Variants in PASD1 observed in about 807,000 individuals in gnomAD.
The protein encoded by PASD1 is circadian clock protein PASD1.
In PASD1, 13 loss-of-function variants were observed where a neutral mutation model predicts 58.8. The ratio of observed to expected loss-of-function variants is 0.22; its 90% CI spans 0.14 to 0.35. The LOEUF (loss-of-function observed/expected upper bound fraction) is 0.35. Ranked by LOEUF, PASD1 falls within the 10% of genes least tolerant of loss-of-function variation. The pLI is 1.00. For missense variants in PASD1, 734 were observed against 568.3 expected (o/e 1.29, Z -2.96); for synonymous variants, 236 against 216.7 (o/e 1.09, Z -0.78).
At chrX:151,621,160 A>T (rs764154479) in intron 5 of PASD1, 131 bp downstream of exon 5, 1 of 419,026 alleles carries the variant, frequency 2.4e-6, no homozygotes, top group Non-Finnish European at 4.0e-6. Flanking sequence ...ACTTTTATAT[A>T]ATATTACAAA....
chrX:151,636,906 C>T (rs912284911), intron 8 of PASD1, among the ~76,000 whole-genome samples: 2 of 111,321 alleles, frequency 1.8e-5, no homozygotes, highest in Middle Eastern at 4.7e-3. Context: ...TCAGCCCTAC[C>T]CCACCTCACC....
chrX:151,612,283 G>T (rs760082809), intron 4 of PASD1, among the ~76,000 whole-genome samples: 1 of 101,556 alleles, frequency 9.8e-6, no homozygotes, highest in South Asian at 4.6e-4. Context: ...ACATACGAGT[G>T]CGTGTGTCTT....
chrX:151,599,298 C>A (rs779000424), intron 1 of PASD1, among the ~76,000 whole-genome samples: 1,533 of 113,052 alleles, frequency 0.014, 9 homozygotes, highest in Non-Finnish European at 0.021. Flanking sequence ...GACAAAACCG[C>A]CATCGTCATC....
intron 1 of PASD1, among the ~76,000 whole-genome samples, chrX:151,599,603 G>C (rs1212224668): frequency 9.1e-6 from 1 of 109,604 alleles, no homozygotes; most frequent in Admixed American, 9.5e-5. Flanking sequence ...CGGCGGGGCA[G>C]AGACACTCCT....
intron 9 of PASD1, among the ~76,000 whole-genome samples, chrX:151,657,748 C>G (rs1270068237): frequency 9.1e-6 from 1 of 110,440 alleles, no homozygotes; most frequent in African/African-American, 3.3e-5. Flanking sequence ...ATTCTTCTCT[C>G]TTTTCTTCTT....
chrX:151,615,683 C>G (rs1329023115), intron 4 of PASD1, among the ~76,000 whole-genome samples: 1 of 111,825 alleles, frequency 8.9e-6, no homozygotes, highest in Non-Finnish European at 1.9e-5. Context: ...TCTTCAGTTT[C>G]ATTACATATC....
chrX:151,622,052 A>G (rs1340123089), intron 6 of PASD1, among the ~76,000 whole-genome samples: 2 of 110,171 alleles, frequency 1.8e-5, no homozygotes, highest in African/African-American at 6.6e-5. Flanking sequence ...CTAGAGATCA[A>G]TGAAGTGATC....
At chrX:151,650,287 C>T (rs761153123) in intron 9 of PASD1, among the ~76,000 whole-genome samples, 16 of 110,853 alleles carry the variant, frequency 1.4e-4, no homozygotes, top group African/African-American at 5.2e-4. Context: ...AGTCCCTAAA[C>T]TTAGTATATG....
intron 14 of PASD1, chrX:151,673,696 T>C (rs900383668): frequency 2.3e-6 from 1 of 438,789 alleles, no homozygotes; most frequent in Non-Finnish European, 3.9e-6. Flanking sequence ...GTCCAAGTAA[T>C]ATAAATAAAA....
At chrX:151,674,273 A>C (rs2014516932) in intron 15 of PASD1, 87 bp downstream of exon 15, 1 of 1,108,681 alleles carries the variant, frequency 9.0e-7, no homozygotes, top group African/African-American at 1.8e-5. Context: ...CCCCAAGTGC[A>C]TGCTGTGTGT....
rs191832696 is a variant in PASD1 at position 151,577,821 on chromosome X, C to T, written c.-28+13982C>T. 2.7e-5 allele frequency among the ~76,000 whole-genome samples: 3 copies of T among 111,985 alleles called. No homozygotes were observed. In the East Asian group the frequency reaches 8.4e-4, roughly 31 times the overall value. ...GATTATAGGCGTGAGCCACTGCGCC[C>T]GGCCCTGAGAGTCCTTTATTCTTCA... On this transcript the variant is annotated intron_variant, in intron 1 of 15. Coordinates refer to ENST00000370357, the MANE Select transcript of PASD1 (RefSeq NM_173493.3).
chrX:151,602,523 C>T (rs1413324729), intron 2 of PASD1, among the ~76,000 whole-genome samples: 2 of 109,870 alleles, frequency 1.8e-5, no homozygotes. Flanking sequence ...GGTGAAACCC[C>T]GTCTCTACTA....
chrX:151,611,209 C>T, intron 3 of PASD1, among the ~76,000 whole-genome samples: 1 of 111,951 alleles, frequency 8.9e-6, no homozygotes, highest in Middle Eastern at 4.6e-3. Context: ...ATATTCTCTA[C>T]CAGGAGGCAT....
intron 1 of PASD1, among the ~76,000 whole-genome samples, chrX:151,590,083 A>G (rs192724494): frequency 4.1e-4 from 46 of 112,172 alleles, no homozygotes; most frequent in African/African-American, 1.2e-3. Context: ...GAGATATTCC[A>G]TGAAATAAGA....
chrX:151,651,262 A>C, intron 9 of PASD1, among the ~76,000 whole-genome samples: 1 of 112,294 alleles, frequency 8.9e-6, no homozygotes, highest in Middle Eastern at 4.7e-3. Context: ...ACTTCTCTTA[A>C]TGATGAGTGT....
At chrX:151,577,154 G>T (rs1271417445) in intron 1 of PASD1, among the ~76,000 whole-genome samples, 1 of 111,909 alleles carries the variant, frequency 8.9e-6, no homozygotes, top group Non-Finnish European at 1.9e-5. Flanking sequence ...GGGCAATATA[G>T]TGAGACCTCG....
intron 8 of PASD1, among the ~76,000 whole-genome samples, chrX:151,635,588 C>G (rs768666705): frequency 1.8e-5 from 2 of 112,322 alleles, no homozygotes; most frequent in Non-Finnish European, 3.8e-5. Context: ...AATATAGTTA[C>G]TTACTTGCTC....
intron 12 of PASD1, 103 bp downstream of exon 12, chrX:151,671,299 G>A (rs769472847): frequency 6.0e-5 from 56 of 930,007 alleles, no homozygotes; most frequent in Non-Finnish European, 8.2e-5. Context: ...TTAGTCAATG[G>A]TGTCTGCCGG....
intron 1 of PASD1, among the ~76,000 whole-genome samples, chrX:151,582,243 A>G (rs1195642261): frequency 1.8e-5 from 2 of 110,705 alleles, no homozygotes; most frequent in African/African-American, 6.6e-5. Flanking sequence ...TTGGCCTTCC[A>G]AAGTGCTGGG....
Sources: allele counts gnomAD v4.1 joint callset (sites outside exome capture counted in the v4.1 genomes callset), GRCh38; gene constraint gnomAD v4.1.1; transcripts MANE v1.5; gene names NCBI Gene and HGNC (gene_info 2026-07-23, HGNC 2026-07-21).